NCOA2: variants seen among roughly 807,000 people sequenced by gnomAD.
NCOA2 encodes class E basic helix-loop-helix protein 75.
Under a neutral mutation model 145.1 loss-of-function variants are expected in NCOA2, and 21 were observed. The observed-to-expected ratio is 0.14, with a 90% CI of 0.10 to 0.21. The LOEUF (loss-of-function observed/expected upper bound fraction) is 0.21, where lower values mean the gene tolerates loss of function less well. NCOA2 is among the 10% of genes least tolerant of loss of function. The pLI, the probability that NCOA2 is intolerant of heterozygous loss-of-function variation, is 1.00. For synonymous variants in NCOA2, 619 were observed against 637.5 expected (o/e 0.97, Z 0.44); for missense variants, 1,472 against 1,837.6 (o/e 0.80, Z 3.64).
chr8:70,185,602 G>T (rs967692085), intron 4 of NCOA2, among the ~76,000 whole-genome samples: 1 of 152,166 alleles, frequency 6.6e-6, no homozygotes, highest in African/African-American at 2.4e-5. Context: ...TGTGGACAGG[G>T]TCATGGGGCA....
At chr8:70,139,815 G>T (rs1188994522) in intron 14 of NCOA2, among the ~76,000 whole-genome samples, 2 of 151,756 alleles carry the variant, frequency 1.3e-5, no homozygotes, top group Non-Finnish European at 2.9e-5. Flanking sequence ...ACCACCCCCG[G>T]CTAATTTTTG....
chr8:70,364,599 T>C (rs1266154586), intron 1 of NCOA2, among the ~76,000 whole-genome samples: 1 of 152,182 alleles, frequency 6.6e-6, no homozygotes, highest in African/African-American at 2.4e-5. Context: ...CTATGAAAGA[T>C]GAACATGAGA....
Position 70,121,340 on chromosome 8 carries a change from C to T in NCOA2, c.4345G>A (p.Gly1449Arg). The T allele has an allele frequency of 1.2e-6, 2 of 1,613,100 alleles. No individual in the cohort carries two copies. The highest frequency in any genetic ancestry group is 1.7e-6 in the Non-Finnish European group (2 of 1,179,508). Residue 1449 changes from glycine (G) to arginine (R), a missense_variant, in exon 22 of 23, where the codon GGA becomes AGA. Physicochemically the swap from Gly to Arg is moderately radical, Grantham distance 125. Transcript: ENST00000452400. The part of the protein sequence containing the change: ...GGNLFPNQLP[G>R]MDMIKQEGDT... ...CCCTCCTGCTTAATCATATCCATTCCAGGCAGCTGGTTTGGGAACAGGTTG... is the reference window on the plus strand; with the variant it reads ...CCCTCCTGCTTAATCATATCCATTCTAGGCAGCTGGTTTGGGAACAGGTTG...
chr8:70,167,842 G>A (rs1023181412), intron 6 of NCOA2, among the ~76,000 whole-genome samples: 1 of 152,148 alleles, frequency 6.6e-6, no homozygotes, highest in Non-Finnish European at 1.5e-5. Flanking sequence ...GAGAATTAAA[G>A]GGTGTTTATG....
the NCOA2 span, among the ~76,000 whole-genome samples, chr8:70,442,024 A>G: frequency 1.4e-5 from 2 of 142,876 alleles, no homozygotes; most frequent in African/African-American, 5.6e-5. Context: ...GAAAGAAAGA[A>G]AGAGAAAAGA....
At chr8:70,324,379 C>G (rs956203306) in intron 1 of NCOA2, among the ~76,000 whole-genome samples, 3 of 152,164 alleles carry the variant, frequency 2.0e-5, no homozygotes, top group African/African-American at 7.2e-5. Flanking sequence ...CTCTGTCACT[C>G]AGGCTGCAGT....
chr8:70,269,122 T>A (rs1824843165), intron 2 of NCOA2, among the ~76,000 whole-genome samples: 2 of 152,226 alleles, frequency 1.3e-5, no homozygotes, highest in African/African-American at 2.4e-5. Flanking sequence ...TGTAATTTTT[T>A]AAAATCAGTT....
At chr8:70,325,618 G>T (rs368027980) in intron 1 of NCOA2, among the ~76,000 whole-genome samples, 1 of 151,968 alleles carries the variant, frequency 6.6e-6, no homozygotes, top group East Asian at 1.9e-4. Flanking sequence ...ACCCAGGCTG[G>T]TCTTGAACTC....
At chr8:70,380,948 C>T (rs1812134955) in intron 1 of NCOA2, among the ~76,000 whole-genome samples, 2 of 151,728 alleles carry the variant, frequency 1.3e-5, no homozygotes, top group South Asian at 4.2e-4. Flanking sequence ...TGGTGGTGCC[C>T]GCCTGTGGTC....
the NCOA2 span, among the ~76,000 whole-genome samples, chr8:70,449,434 G>A: frequency 6.6e-6 from 1 of 152,214 alleles, no homozygotes; most frequent in African/African-American, 2.4e-5. Flanking sequence ...TTTCAAAGGT[G>A]TGGGTAAAGC....
At chr8:70,145,125 T>TTTCA (rs144420333) in intron 12 of NCOA2, among the ~76,000 whole-genome samples, 3,326 of 152,040 alleles carry the variant, frequency 0.022, 103 homozygotes, top group African/African-American at 0.063. Flanking sequence ...CCAATAGTAA[T>TTTCA]TTCATTCATT....
intron 2 of NCOA2, among the ~76,000 whole-genome samples, chr8:70,247,929 CCT>C (rs757223715): frequency 4.6e-5 from 7 of 152,204 alleles, no homozygotes; most frequent in African/African-American, 7.2e-5. Context: ...CAAATCTGTC[CCT>C]CTCTCATATT....
chr8:70,427,817 T>C, the NCOA2 span, among the ~76,000 whole-genome samples: 1 of 152,128 alleles, frequency 6.6e-6, no homozygotes, highest in Non-Finnish European at 1.5e-5. Flanking sequence ...GTCAACATGA[T>C]TGCAAGCCAG....
intron 1 of NCOA2, among the ~76,000 whole-genome samples, chr8:70,334,150 C>T (rs1474697926): frequency 6.6e-6 from 1 of 152,216 alleles, no homozygotes; most frequent in Non-Finnish European, 1.5e-5. Context: ...CTATGCCTAA[C>T]TTTTAAGGCC....
At chr8:70,132,414 T>G (rs1355999868) in intron 15 of NCOA2, among the ~76,000 whole-genome samples, 5 of 152,184 alleles carry the variant, frequency 3.3e-5, no homozygotes, top group African/African-American at 4.8e-5. Context: ...TGACTTAAGA[T>G]TCTTAGTTAG....
rs181347461 is a variant in NCOA2, at chr8:70,276,724, G to T, written c.-20+20020C>A. 4.2e-3 allele frequency among the ~76,000 whole-genome samples: 641 copies of T among 152,222 alleles called. 3 individuals carry two copies. Among genetic ancestry groups the T allele is most frequent in the Non-Finnish European group, 6.5e-3 (439 of 68,012 alleles). ...CCTTCCTAACCATGTGAAACTGTGA[G>T]TCAATTAAACCTCTTTCCTTTATAA... On this transcript the variant is annotated intron_variant, in intron 2 of 22. Coordinates refer to ENST00000452400, the MANE Select transcript of NCOA2 (RefSeq NM_006540.4).
intron 4 of NCOA2, among the ~76,000 whole-genome samples, chr8:70,177,183 A>C (rs1814956517): frequency 6.6e-6 from 1 of 152,202 alleles, no homozygotes; most frequent in Non-Finnish European, 1.5e-5. Context: ...AAACATGAGA[A>C]GACAACCTCC....
intron 12 of NCOA2, among the ~76,000 whole-genome samples, chr8:70,147,131 T>C (rs531580725): frequency 0.018 from 2,742 of 150,152 alleles, 103 homozygotes; most frequent in African/African-American, 0.065. Flanking sequence ...CGCGCGCGTG[T>C]GTGTGTGTGT....
At chr8:70,422,690 A>G in the NCOA2 span, among the ~76,000 whole-genome samples, 84 of 152,252 alleles carry the variant, frequency 5.5e-4, no homozygotes, top group Middle Eastern at 3.4e-3. Flanking sequence ...GGTGTGAGCC[A>G]CTGAGCCTGG....
Sources: allele counts gnomAD v4.1 joint callset (sites outside exome capture counted in the v4.1 genomes callset), GRCh38; gene constraint gnomAD v4.1.1; transcripts MANE v1.5; gene names NCBI Gene and HGNC (gene_info 2026-07-23, HGNC 2026-07-21).